Variants in DNAJC21 observed in about 807,000 individuals in gnomAD.
DNAJC21 encodes DnaJ heat shock protein family (Hsp40) member C21, also known as dnaJ homolog subfamily C member 21.
A neutral mutation model predicts 72.4 loss-of-function variants in DNAJC21; 63 were observed. The ratio of observed to expected loss-of-function variants is 0.87; its 90% CI spans 0.71 to 1.07. DNAJC21 has a LOEUF of 1.07. DNAJC21 is among the 50% of genes least tolerant of loss of function. The pLI is 0.00. For synonymous variants in DNAJC21, 203 were observed against 216.7 expected (o/e 0.94, Z 0.56); for missense variants, 634 against 644.8 (o/e 0.98, Z 0.18).
intron 10 of DNAJC21, chr5:34,950,781 C>G: frequency 1.0e-6 from 1 of 987,758 alleles, no homozygotes; most frequent in Non-Finnish European, 1.2e-6. Flanking sequence ...TGGGGCCCTT[C>G]CTGCTCAGAG....
chr5:34,945,970 T>TC (rs574205221), intron 9 of DNAJC21, among the ~76,000 whole-genome samples, 167 bp downstream of exon 9: 18 of 151,698 alleles, frequency 1.2e-4, no homozygotes, highest in South Asian at 1.0e-3. Flanking sequence ...TTTTAGTGCT[T>TC]CCCCCCCCTT....
chr5:34,941,346 T>G (rs1764983559), intron 7 of DNAJC21, among the ~76,000 whole-genome samples, 163 bp downstream of exon 7: 1 of 152,090 alleles, frequency 6.6e-6, no homozygotes, highest in Non-Finnish European at 1.5e-5. Context: ...TACAGGAACC[T>G]GCCATCATGG....
In DNAJC21 at chr5:34,957,381, C is replaced by T. The variant is rs1765566139; in HGVS notation, c.*2667C>T. 1 of 152,170 alleles carries T rather than the reference C, an allele frequency of 6.6e-6. No individual in the cohort carries two copies. 9.4% of individuals were successfully genotyped at this position (152,170 alleles called of 1,614,324 possible). On this transcript the variant is annotated 3_prime_UTR_variant, in exon 12 of 12. Transcript: ENST00000648817. ...TGGTGCCAAAGCTGGGGGTTCCCTACAATGGCTATTTAGACTTTCCCTGCT... is the reference window on the plus strand; with the variant it reads ...TGGTGCCAAAGCTGGGGGTTCCCTATAATGGCTATTTAGACTTTCCCTGCT...
rs138368405 is a variant in DNAJC21, at chr5:34,940,259, C to T, written c.896-837C>T. 1.0e-3 allele frequency among the ~76,000 whole-genome samples: 158 copies of T among 152,270 alleles called. 2 individuals carry two copies. The highest frequency in any genetic ancestry group is 3.6e-3 in the African/African-American group (149 of 41,556). On this transcript the variant is annotated intron_variant, in intron 6 of 11. Coordinates refer to ENST00000648817, the MANE Select transcript of DNAJC21 (RefSeq NM_001012339.3). ...AACTATTCGATTAATTAAAATTTCA[C>T]ATACATGATATATTGAAAGTCTACA...
intron 1 of DNAJC21, among the ~76,000 whole-genome samples, chr5:34,930,624 T>C (rs1044764690): frequency 3.9e-5 from 6 of 152,198 alleles, no homozygotes; most frequent in African/African-American, 1.4e-4. Context: ...GTGACTTTTA[T>C]GAAGTAATCT....
intron 7 of DNAJC21, among the ~76,000 whole-genome samples, chr5:34,942,124 A>C (rs1270620803): frequency 6.6e-6 from 1 of 152,128 alleles, no homozygotes; most frequent in Non-Finnish European, 1.5e-5. Context: ...TCACATGGGC[A>C]AAAAGTCTAG....
Position 34,937,598 on chromosome 5 carries a change from G to A in DNAJC21, c.711G>A (p.Glu237=), listed in dbSNP as rs1379703432. ...QNAEKARKAE[E]MRRQQKLKQA... is the part of the protein sequence containing the mutation. ...CAGAGAAGGCGAGGAAAGCCGAAGAGATGAGGCGGCAGCAGAAGCTAAAGC... is the reference window on the plus strand; with the variant it reads ...CAGAGAAGGCGAGGAAAGCCGAAGAAATGAGGCGGCAGCAGAAGCTAAAGC... The change falls in exon 5 of 12, where the codon GAG becomes GAA. Residue 237 remains glutamate, a synonymous_variant. Transcript: ENST00000648817. The A allele has an allele frequency of 6.8e-6, 11 of 1,613,370 alleles. No individual in the cohort carries two copies. In the South Asian group the frequency reaches 1.1e-4, roughly 16 times the overall value.
intron 10 of DNAJC21, among the ~76,000 whole-genome samples, chr5:34,952,960 C>T (rs2112104687): frequency 6.6e-6 from 1 of 151,994 alleles, no homozygotes; most frequent in Admixed American, 6.6e-5. Context: ...ACCATCCTGG[C>T]CAATATGGTA....
intron 10 of DNAJC21, chr5:34,951,158 A>G: frequency 4.1e-6 from 4 of 985,462 alleles, no homozygotes; most frequent in Non-Finnish European, 4.8e-6. Flanking sequence ...GACCTACAGT[A>G]TGACTCTGGC....
chr5:34,952,498 A>T (rs549936309), intron 10 of DNAJC21: 3 of 155,090 alleles, frequency 1.9e-5, no homozygotes, highest in African/African-American at 7.2e-5. Flanking sequence ...ACTCATTATA[A>T]CCCATCCTGT....
At chr5:34,936,849 C>G (rs573711850) in intron 4 of DNAJC21, among the ~76,000 whole-genome samples, 23 of 152,242 alleles carry the variant, frequency 1.5e-4, no homozygotes, top group Admixed American at 2.6e-4. Flanking sequence ...CTCCCGGGTT[C>G]AAGCGATTCT....
intron 5 of DNAJC21, among the ~76,000 whole-genome samples, chr5:34,937,881 C>T (rs957171174): frequency 2.6e-5 from 4 of 152,098 alleles, no homozygotes; most frequent in Admixed American, 6.5e-5. Context: ...CTGCAACCTC[C>T]GCCTCCAGGT....
Position 34,954,571 on chromosome 5 carries a change from A to T in DNAJC21, c.1453A>T (p.Thr485Ser), listed in dbSNP as rs1765477844. The change falls in exon 12 of 12, where the codon ACA (threonine) becomes TCA (serine). Residue 485 changes from threonine (T) to serine (S), a missense_variant. Thr to Ser is a moderately conservative substitution (Grantham distance 58). Coordinates refer to ENST00000648817, the MANE Select transcript of DNAJC21 (RefSeq NM_001012339.3). ...PQTMSVLISC[T>S]TCHSEFPSRN... ...TTCTCAGAGTGTTCTTATCAGCTGT[A>T]CAACCTGCCATAGTGAATTTCCATC... 6.2e-7 allele frequency: 1 copy of T among 1,612,308 alleles called. No individual in the cohort carries two copies. Among genetic ancestry groups the T allele is most frequent in the Non-Finnish European group, 8.5e-7 (1 of 1,179,480 alleles).
rs1343354547 is a variant in DNAJC21 at position 34,945,011 on chromosome 5, T to C, written c.1128T>C (p.Asp376=). Residue 376 remains aspartate (D), a synonymous_variant, in exon 8 of 12, where the codon GAT becomes GAC. Transcript: ENST00000648817. Reference sequence around the variant, plus strand: ...ACAATTCTGAGGAAGAAATGGAAGATGCACCAAAACAAAAGTACTTCTAAA... The same window carrying C: ...ACAATTCTGAGGAAGAAATGGAAGACGCACCAAAACAAAAGTACTTCTAAA... The part of the protein sequence containing the change: ...LDDNSEEEME[D]APKQKLSKKQ... 1.9e-6 allele frequency: 3 copies of C among 1,613,180 alleles called. No homozygotes were observed. The highest frequency in any genetic ancestry group is 3.4e-5 in the Admixed American group (2 of 59,680).
Position 34,954,228 on chromosome 5 carries a change from A to G in DNAJC21, c.1434+227A>G, listed in dbSNP as rs574930950. The G allele has an allele frequency of 1.0e-3, 483 of 472,532 alleles. 1 individual carries two copies. Among genetic ancestry groups the G allele is most frequent in the Non-Finnish European group, 9.3e-4 (256 of 274,346 alleles). 29.3% of individuals were successfully genotyped at this position (472,532 alleles called of 1,614,324 possible). A position where few individuals can be genotyped will look rare whatever the true frequency, so the allele number is the denominator to read the frequency against. On this transcript the variant is annotated intron_variant, in intron 11 of 11. Coordinates refer to ENST00000648817, the MANE Select transcript of DNAJC21 (RefSeq NM_001012339.3). ...ACCAGAACAGTTACTGTTGTTTTCT[A>G]TTACTTTTCAATCTAAAGCCTTGGT...
intron 2 of DNAJC21, among the ~76,000 whole-genome samples, chr5:34,935,245 CT>C (rs1193326261): frequency 6.6e-6 from 1 of 152,094 alleles, no homozygotes; most frequent in Non-Finnish European, 1.5e-5. Flanking sequence ...TAATAACTGC[CT>C]TTACAGAGTT....
Position 34,936,387 on chromosome 5 carries a change from T to C in DNAJC21, c.438+121T>C, listed in dbSNP as rs1237918491. 9 of 1,183,652 alleles carry C rather than the reference T, an allele frequency of 7.6e-6. No individual in the cohort carries two copies. The African/African-American group carries it at 1.4e-4, about 18-fold the overall frequency. The allele number at this position is 1,183,652 out of a possible 1,614,324, so 73.3% of individuals were successfully genotyped here. The stretch of plus-strand genomic sequence containing the variant: ...AGGCTGCAGTGCAGTGGTATGATCA[T>C]ATCTCACAGCAGCCTCAAACTCCTG... On this transcript the variant is annotated intron_variant, in intron 4 of 11. Coordinates refer to ENST00000648817, the MANE Select transcript of DNAJC21 (RefSeq NM_001012339.3).
At chr5:34,931,220 GTTATGC>G (rs1305480192) in intron 1 of DNAJC21, among the ~76,000 whole-genome samples, 3 of 152,208 alleles carry the variant, frequency 2.0e-5, no homozygotes, top group African/African-American at 7.2e-5. Context: ...GTTACTTAAA[GTTATGC>G]TTACCAACAG....
chr5:34,951,101 G>T (rs1003127783), intron 10 of DNAJC21: 2 of 985,388 alleles, frequency 2.0e-6, no homozygotes, highest in Admixed American at 1.2e-4. Context: ...GTGTACTTCG[G>T]AGTTTAAGGC....
Sources: allele counts gnomAD v4.1 joint callset (sites outside exome capture counted in the v4.1 genomes callset), GRCh38; gene constraint gnomAD v4.1.1; transcripts MANE v1.5; gene names NCBI Gene and HGNC (gene_info 2026-07-23, HGNC 2026-07-21).